The following FHAD1 variants were observed in gnomAD, a reference collection of about 807,000 sequenced individuals.
FHAD1 encodes forkhead-associated domain-containing protein 1.
Under a neutral mutation model 191.3 loss-of-function variants are expected in FHAD1, and 146 were observed. That is an observed-to-expected ratio of 0.76 (90% confidence interval 0.67 to 0.88). The LOEUF is 0.88. Among genes scored for constraint, FHAD1 ranks in the 40% least tolerant of loss-of-function variants. The pLI is 0.00. For missense variants in FHAD1, 1,635 were observed against 1,785.8 expected (o/e 0.92, Z 1.52); for synonymous variants, 616 against 672.3 (o/e 0.92, Z 1.29).
chr1:15,327,200 G>C lies in FHAD1; in HGVS notation c.1557+58G>C, dbSNP rs779215627. On this transcript the variant is annotated intron_variant, in intron 12 of 33. Coordinates refer to ENST00000688493, the MANE Select transcript of FHAD1 (RefSeq NM_001391957.1). This position sits in a 1 kb window ranked among gnomAD's most constrained non-coding sequence, Gnocchi z 5.1. ...CACTTTCCTCTTCTTCTTCTTCGTGGATCTGGATTCCAGACCCTGGGAGCA... is the reference window on the plus strand; with the variant it reads ...CACTTTCCTCTTCTTCTTCTTCGTGCATCTGGATTCCAGACCCTGGGAGCA... 3 of 1,206,816 alleles carry C rather than the reference G, an allele frequency of 2.5e-6. No homozygotes were observed. The highest frequency in any genetic ancestry group is 2.4e-6 in the Non-Finnish European group (2 of 837,926). 74.8% of individuals were successfully genotyped at this position (1,206,816 alleles called of 1,614,324 possible). A position where few individuals can be genotyped will look rare whatever the true frequency, so the allele number is the denominator to read the frequency against.
intron 22 of FHAD1, 132 bp downstream of exon 22, chr1:15,360,835 C>G: frequency 5.4e-6 from 4 of 747,202 alleles, no homozygotes; most frequent in Admixed American, 2.8e-5. Flanking sequence ...TCTGAGGCCC[C>G]CTTTTGTTCT....
At chr1:15,371,430 G>C (rs55841500) in intron 26 of FHAD1, among the ~76,000 whole-genome samples, 27,501 of 152,066 alleles carry the variant, frequency 0.18, 2,593 homozygotes, top group African/African-American at 0.23. Context: ...TTCCTCCTTC[G>C]GGCTCCTTCC....
At chr1:15,385,508 G>C (rs911820028) in intron 31 of FHAD1, among the ~76,000 whole-genome samples, 2 of 152,142 alleles carry the variant, frequency 1.3e-5, no homozygotes, top group African/African-American at 4.8e-5. Flanking sequence ...ACTTCCAGCT[G>C]GGCAGGGTAG....
chr1:15,244,372 G>A (rs1404347551), upstream of FHAD1, among the ~76,000 whole-genome samples: 1 of 152,174 alleles, frequency 6.6e-6, no homozygotes. This position sits in a 1 kb window ranked among gnomAD's most constrained non-coding sequence, Gnocchi z 5.1. Context: ...AGCAACAGAT[G>A]ATCTCTCAAA....
At chr1:15,252,467 A>G (rs965040656) in intron 2 of FHAD1, among the ~76,000 whole-genome samples, 4 of 152,214 alleles carry the variant, frequency 2.6e-5, no homozygotes, top group African/African-American at 9.7e-5. Context: ...CAGTACGTTG[A>G]CATAGCACAC....
chr1:15,284,211 C>A (rs555903925), intron 3 of FHAD1, among the ~76,000 whole-genome samples: 43 of 152,124 alleles, frequency 2.8e-4, no homozygotes, highest in Non-Finnish European at 4.4e-4. Context: ...CCAGGCACAG[C>A]GGCTCACGCC....
At chr1:15,298,906 G>A (rs963132308) in intron 5 of FHAD1, among the ~76,000 whole-genome samples, 20 of 151,304 alleles carry the variant, frequency 1.3e-4, no homozygotes, top group African/African-American at 4.6e-4. Context: ...TCAGTGGCTC[G>A]CGCCTGTAAT....
At position 15,324,549 on chromosome 1, in the gene FHAD1, C is replaced by T; in HGVS notation, c.1463C>T (p.Ala488Val). The change falls in exon 11 of 34, where the codon GCA (alanine) becomes GTA (valine). Residue 488 changes from alanine to valine, a missense_variant. By Grantham distance (64) the Ala-to-Val change is moderately conservative (BLOSUM62 0). Transcript: ENST00000688493. ...ESVIKINLER[A>V]VGQLEHFRSQ... ...GTCATTAAAATCAATTTGGAGAGGG[C>T]AGTAGGTCAGGTAGGCATGTTCCAG... The T allele has an allele frequency of 6.4e-7, 1 of 1,550,578 alleles. No individual in the cohort carries two copies. The highest frequency in any genetic ancestry group is 8.7e-7 in the Non-Finnish European group (1 of 1,145,936).
intron 21 of FHAD1, among the ~76,000 whole-genome samples, chr1:15,359,986 AC>A (rs1324489746): frequency 6.7e-6 from 1 of 149,982 alleles, no homozygotes; most frequent in African/African-American, 2.5e-5. Flanking sequence ...GTTGGCGCAC[AC>A]CTGTAGTTCC....
At chr1:15,296,499 T>A in intron 4 of FHAD1, 185 bp from the exon 5 acceptor site, 1 of 603,464 alleles carries the variant, frequency 1.7e-6, no homozygotes, top group South Asian at 1.6e-5. Flanking sequence ...ATGATCCGCC[T>A]GCCTTGGCCT....
At chr1:15,400,384 C>G (rs962396557), downstream of FHAD1, 1 of 152,284 alleles carries the variant, frequency 6.6e-6, no homozygotes, top group African/African-American at 2.4e-5. Context: ...TTCCATGGGT[C>G]AAGCTGCACA....
At chr1:15,271,012 G>A (rs1234816528) in intron 2 of FHAD1, among the ~76,000 whole-genome samples, 2 of 152,038 alleles carry the variant, frequency 1.3e-5, no homozygotes, top group East Asian at 1.9e-4. Context: ...GGTGGCAGGC[G>A]CCTGTAGTCC....
intron 20 of FHAD1, among the ~76,000 whole-genome samples, chr1:15,356,134 C>T (rs149125695): frequency 1.3e-5 from 2 of 152,268 alleles, no homozygotes; most frequent in Non-Finnish European, 1.5e-5. Flanking sequence ...CACACTGCTT[C>T]GGATGCTATT....
intron 23 of FHAD1, among the ~76,000 whole-genome samples, chr1:15,362,947 G>C (rs1695282469): frequency 6.6e-6 from 1 of 152,226 alleles, no homozygotes; most frequent in Non-Finnish European, 1.5e-5. Context: ...TCCCAGTGCT[G>C]CTTCCACTTC....
chr1:15,394,283 CTT>C (rs1705198660), intron 33 of FHAD1, among the ~76,000 whole-genome samples: 1 of 152,190 alleles, frequency 6.6e-6, no homozygotes, highest in Non-Finnish European at 1.5e-5. Flanking sequence ...ACCTGGGACT[CTT>C]TAACAAACTC....
At chr1:15,282,900 G>C (rs1374961414) in intron 3 of FHAD1, among the ~76,000 whole-genome samples, 1 of 152,196 alleles carries the variant, frequency 6.6e-6, no homozygotes, top group Non-Finnish European at 1.5e-5. Flanking sequence ...AGCCAGGGAG[G>C]GTTCTTGGCT....
intron 24 of FHAD1, 76 bp downstream of exon 24, chr1:15,366,009 C>T (rs921053617): frequency 2.6e-5 from 28 of 1,058,890 alleles, no homozygotes; most frequent in Non-Finnish European, 3.2e-5. Flanking sequence ...AAGAGTCGGC[C>T]GGGCGCAGTG....
chr1:15,381,113 T>C lies in FHAD1; in HGVS notation c.3802-118T>C, dbSNP rs973745174. 8.9e-5 allele frequency: 62 copies of C among 698,798 alleles called. No homozygotes were observed. In the African/African-American group the frequency reaches 1.0e-3, roughly 12 times the overall value. 43.3% of individuals were successfully genotyped at this position (698,798 alleles called of 1,614,324 possible). ...CCCAGTTGCACATCCTTTCAAAGCA[T>C]GTGCGTGTTCTCTGCAATTGCAGAA... On this transcript the variant is annotated intron_variant, in intron 29 of 33. Coordinates refer to ENST00000688493, the MANE Select transcript of FHAD1 (RefSeq NM_001391957.1). This position sits in a 1 kb window ranked among gnomAD's most constrained non-coding sequence, Gnocchi z 4.6.
At position 15,296,782 on chromosome 1, in the gene FHAD1, C is replaced by G. The variant is rs745474139; in HGVS notation, c.667C>G (p.Gln223Glu). 9.4e-5 allele frequency: 146 copies of G among 1,551,324 alleles called. No homozygotes were observed. Among genetic ancestry groups the G allele is most frequent in the Admixed American group, 2.4e-4 (12 of 50,940 alleles). ...AEIYVEEDLA[Q>E]QDKDEIILLL... Reference sequence around the variant, plus strand: ...GATTTATGTGGAGGAGGACTTGGCCCAGCAGGACAAGGTGAGGGAGGGGTC... The same window carrying G: ...GATTTATGTGGAGGAGGACTTGGCCGAGCAGGACAAGGTGAGGGAGGGGTC... Residue 223 changes from glutamine (Q) to glutamate (E), a missense_variant, in exon 5 of 34, where the codon CAG (glutamine) becomes GAG (glutamate). Gln to Glu is a conservative substitution (Grantham distance 29, BLOSUM62 2). Coordinates refer to ENST00000688493, the MANE Select transcript of FHAD1 (RefSeq NM_001391957.1).
Sources: gnomAD v4.1 joint callset for allele counts (sites outside exome capture counted in the v4.1 genomes callset) on GRCh38, gnomAD v4.1.1 for gene constraint, Gnocchi (gnomAD v3.1) non-coding constraint, MANE v1.5 for transcripts, NCBI Gene and HGNC (gene_info 2026-07-23, HGNC 2026-07-21) for gene names.